Variants in PSME1 observed in about 807,000 individuals in gnomAD.
PSME1 encodes proteasome activator complex subunit 1.
A neutral mutation model predicts 38.4 loss-of-function variants in PSME1; 15 were observed. That is an observed-to-expected ratio of 0.39 (90% CI 0.26 to 0.60). The LOEUF (loss-of-function observed/expected upper bound fraction) is 0.60, where lower values mean the gene tolerates loss of function less well. Ranked by LOEUF, PSME1 falls within the 20% of genes least tolerant of loss-of-function variation. PSME1 has a pLI of 0.53. For synonymous variants in PSME1, 106 were observed against 106.8 expected (o/e 0.99, Z 0.05); for missense variants, 249 against 305.6 (o/e 0.81, Z 1.38).
At position 24,137,306 on chromosome 14, in the gene PSME1, C is replaced by T. The variant is rs1233183728; in HGVS notation, c.136-15C>T. 6.2e-7 allele frequency: 1 copy of T among 1,613,578 alleles called. No individual in the cohort carries two copies. The highest frequency in any genetic ancestry group is 8.5e-7 in the Non-Finnish European group (1 of 1,179,600). On this transcript the variant is annotated splice_polypyrimidine_tract_variant and intron_variant, in intron 3 of 10. Coordinates refer to ENST00000206451, the MANE Select transcript of PSME1 (RefSeq NM_006263.4). The stretch of plus-strand genomic sequence containing the variant: ...GAACTCCCTCACCTCCAGCCCTCCT[C>T]CCACCCTACACCAGGAGCCAGCTCT...
At chr14:24,138,431 G>T in intron 9 of PSME1, 32 bp downstream of exon 9, 1 of 1,614,196 alleles carries the variant, frequency 6.2e-7, no homozygotes, top group East Asian at 2.2e-5. Context: ...GTGCATGGGG[G>T]AAGGACACAT....
In PSME1 at chr14:24,136,403, C is replaced by A; in HGVS notation, c.39+102C>A. ...CCCAGGCTCCCACGCGAGTCGGGGGCAGTCGGCCGAGCTGGCGCGCCCGGA... is the reference window on the plus strand; with the variant it reads ...CCCAGGCTCCCACGCGAGTCGGGGGAAGTCGGCCGAGCTGGCGCGCCCGGA... On this transcript the variant is annotated intron_variant, in intron 1 of 10. Transcript: ENST00000206451. The surrounding 1 kb of genome is among the most constrained non-coding windows in gnomAD (Gnocchi z 4.8). 8.1e-7 allele frequency: 1 copy of A among 1,229,006 alleles called. No homozygotes were observed. The highest frequency in any genetic ancestry group is 1.1e-6 in the Non-Finnish European group (1 of 933,580). The allele number at this position is 1,229,006 out of a possible 1,614,324, so 76.1% of individuals were successfully genotyped here.
chr14:24,137,152 C>T lies in PSME1; in HGVS notation c.82C>T (p.Leu28=). Residue 28 remains leucine (L), a synonymous_variant, in exon 3 of 11, where the codon CTG becomes TTG. Transcript: ENST00000206451. Reference sequence around the variant, plus strand: ...CCCACCTCACACACAGACAGAGAACCTGCTCGGGAGCTATTTCCCCAAGAA... The same window carrying T: ...CCCACCTCACACACAGACAGAGAACTTGCTCGGGAGCTATTTCCCCAAGAA... ...REDLCTKTEN[L]LGSYFPKKIS... 1.2e-6 allele frequency: 2 copies of T among 1,614,204 alleles called. No individual in the cohort carries two copies. The highest frequency in any genetic ancestry group is 1.7e-6 in the Non-Finnish European group (2 of 1,180,032).
In PSME1 at chr14:24,138,463, G is replaced by A. The variant is rs552622791; in HGVS notation, c.583-11G>A. Reference sequence around the variant, plus strand: ...ACATGTAAGGTCAGGCCTGACCCGAGCTTCCCACAGGGTGATTATCGGCAG... The same window carrying A: ...ACATGTAAGGTCAGGCCTGACCCGAACTTCCCACAGGGTGATTATCGGCAG... On this transcript the variant is annotated splice_polypyrimidine_tract_variant and intron_variant, in intron 9 of 10. Transcript: ENST00000206451. 6 of 1,614,124 alleles carry A rather than the reference G, an allele frequency of 3.7e-6. No homozygotes were observed. In the African/African-American group the frequency reaches 6.7e-5, roughly 18 times the overall value.
chr14:24,138,414 G>A lies in PSME1; in HGVS notation c.582+15G>A. 1 of 1,614,192 alleles carries A rather than the reference G, an allele frequency of 6.2e-7. No individual in the cohort carries two copies. The highest frequency in any genetic ancestry group is 8.5e-7 in the Non-Finnish European group (1 of 1,180,016). ...AGCCCCATGTGGTAGGTGAGGCCCA[G>A]GTCAGGGTGCATGGGGGAAGGACAC... is the stretch of plus-strand genomic sequence containing the variant. On this transcript the variant is annotated intron_variant, in intron 9 of 10. Coordinates refer to ENST00000206451, the MANE Select transcript of PSME1 (RefSeq NM_006263.4).
Position 24,136,358 on chromosome 14 carries a change from G to A in PSME1, c.39+57G>A. On this transcript the variant is annotated intron_variant, in intron 1 of 10. Coordinates refer to ENST00000206451, the MANE Select transcript of PSME1 (RefSeq NM_006263.4). The surrounding 1 kb of genome is among the most constrained non-coding windows in gnomAD (Gnocchi z 4.8). ...TGGGGAGGCGTGGCTGGAGCGGCCG[G>A]GGGCATCCCCGACCCGCCCCCCAGG... 1 of 1,461,488 alleles carries A rather than the reference G, an allele frequency of 6.8e-7. No individual in the cohort carries two copies. Among genetic ancestry groups the A allele is most frequent in the Non-Finnish European group, 9.1e-7 (1 of 1,102,520 alleles). 90.5% of individuals were successfully genotyped at this position (1,461,488 alleles called of 1,614,324 possible).
chr14:24,136,369 GA>G lies in PSME1; in HGVS notation c.39+69del, dbSNP rs2139041933. ...GGCTGGAGCGGCCGGGGGCATCCCC[GA>G]CCCGCCCCCCAGGCTCCCACGCGAG... On this transcript the variant is annotated intron_variant, in intron 1 of 10. Transcript: ENST00000206451. This position sits in a 1 kb window ranked among gnomAD's most constrained non-coding sequence, Gnocchi z 4.8. 81 of 1,410,854 alleles carry G rather than the reference GA, an allele frequency of 5.7e-5. No homozygotes were observed. The South Asian group carries it at 1.1e-3, about 19-fold the overall frequency. The allele number at this position is 1,410,854 out of a possible 1,614,324, so 87.4% of individuals were successfully genotyped here. A position where few individuals can be genotyped will look rare whatever the true frequency, so the allele number is the denominator to read the frequency against.
rs539008597 is a variant in PSME1 at position 24,137,737 on chromosome 14, C to T, written c.330C>T (p.Ile110=). The T allele has an allele frequency of 5.3e-5, 86 of 1,614,202 alleles. No individual in the cohort carries two copies. Among genetic ancestry groups the T allele is most frequent in the South Asian group, 1.2e-4 (11 of 91,074 alleles). Residue 110 remains isoleucine (I), a synonymous_variant, in exon 6 of 11, where the codon ATC becomes ATT. Coordinates refer to ENST00000206451, the MANE Select transcript of PSME1 (RefSeq NM_006263.4). ...GCCCAGTGAACTGCAATGAAAAGAT[C>T]GTGGTCCTTCTGCAGCGCTTGAAGC... ...PCGPVNCNEK[I]VVLLQRLKPE... is the part of the protein sequence containing the mutation.
Position 24,138,822 on chromosome 14 carries a change from C to T in PSME1, c.*6C>T, listed in dbSNP as rs2037971078. Reference sequence around the variant, plus strand: ...CAAAGGGAATGATCTATTGAGAGCCCTCTCTCCCATTCTGTGATGAGTACA... The same window carrying T: ...CAAAGGGAATGATCTATTGAGAGCCTTCTCTCCCATTCTGTGATGAGTACA... On this transcript the variant is annotated 3_prime_UTR_variant, in exon 11 of 11. Transcript: ENST00000206451. 2 of 1,613,184 alleles carry T rather than the reference C, an allele frequency of 1.2e-6. No homozygotes were observed. The highest frequency in any genetic ancestry group is 1.7e-6 in the Non-Finnish European group (2 of 1,179,196).
Position 24,136,371 on chromosome 14 carries a change from C to G in PSME1, c.39+70C>G. Reference sequence around the variant, plus strand: ...CTGGAGCGGCCGGGGGCATCCCCGACCCGCCCCCCAGGCTCCCACGCGAGT... The same window carrying G: ...CTGGAGCGGCCGGGGGCATCCCCGAGCCGCCCCCCAGGCTCCCACGCGAGT... On this transcript the variant is annotated intron_variant, in intron 1 of 10. Transcript: ENST00000206451. The surrounding 1 kb of genome is among the most constrained non-coding windows in gnomAD (Gnocchi z 4.8). 1 of 1,406,776 alleles carries G rather than the reference C, an allele frequency of 7.1e-7. No individual in the cohort carries two copies. The highest frequency in any genetic ancestry group is 3.0e-5 in the East Asian group (1 of 32,924). 87.1% of individuals were successfully genotyped at this position (1,406,776 alleles called of 1,614,324 possible). A position where few individuals can be genotyped will look rare whatever the true frequency, so the allele number is the denominator to read the frequency against.
chr14:24,137,992 T>G, intron 6 of PSME1, 57 bp from the exon 7 acceptor site: 1 of 1,594,974 alleles, frequency 6.3e-7, no homozygotes, highest in Non-Finnish European at 8.6e-7. Flanking sequence ...AGGGAGAATA[T>G]GAAACTGGGA....
chr14:24,138,501 C>G lies in PSME1; in HGVS notation c.610C>G (p.Leu204Val). Residue 204 changes from leucine (L) to valine (V), a missense_variant, in exon 10 of 11, where the codon CTG (leucine) becomes GTG (valine). Leu to Val is a conservative substitution (Grantham distance 32). Coordinates refer to ENST00000206451, the MANE Select transcript of PSME1 (RefSeq NM_006263.4). ...TGATTATCGGCAGCTGGTGCACGAG[C>G]TGGATGAGGCAGAGTACCGGGACAT... ...VGDYRQLVHELDEAEYRDIRL... is the reference protein window; with the variant it reads ...VGDYRQLVHEVDEAEYRDIRL... The G allele has an allele frequency of 6.2e-7, 1 of 1,614,062 alleles. No homozygotes were observed.
rs2037973198 is a variant in PSME1 at position 24,138,903 on chromosome 14, T to C, written c.*87T>C. 6.3e-7 allele frequency: 1 copy of C among 1,591,708 alleles called. No homozygotes were observed. Among genetic ancestry groups the C allele is most frequent in the Non-Finnish European group, 8.6e-7 (1 of 1,166,754 alleles). ...TCCAGATTTTCCCCAAACTTGCTTCTGTTGAGATTTTTCCCTCACCTTGCC... is the reference window on the plus strand; with the variant it reads ...TCCAGATTTTCCCCAAACTTGCTTCCGTTGAGATTTTTCCCTCACCTTGCC... On this transcript the variant is annotated 3_prime_UTR_variant, in exon 11 of 11. Coordinates refer to ENST00000206451, the MANE Select transcript of PSME1 (RefSeq NM_006263.4).
chr14:24,137,712 G>A lies in PSME1; in HGVS notation c.305G>A (p.Gly102Asp), dbSNP rs536814772. Residue 102 changes from glycine (G) to aspartate (D), a missense_variant, in exon 6 of 11, where the codon GGC becomes GAC. Gly to Asp is a moderately conservative substitution (Grantham distance 94, BLOSUM62 -1). Transcript: ENST00000206451. ...GCTCACTCTCTAGGTCCTCCCTGTG[G>A]CCCAGTGAACTGCAATGAAAAGATC... The part of the protein sequence containing the change: ...GEDEDKGPPC[G>D]PVNCNEKIVV... The A allele has an allele frequency of 2.5e-6, 4 of 1,614,156 alleles. No individual in the cohort carries two copies. In the South Asian group the frequency reaches 4.4e-5, roughly 18 times the overall value.
At position 24,136,253 on chromosome 14, in the gene PSME1, C is replaced by A. The variant is rs775638988; in HGVS notation, c.-10C>A. On this transcript the variant is annotated 5_prime_UTR_variant, in exon 1 of 11. Coordinates refer to ENST00000206451, the MANE Select transcript of PSME1 (RefSeq NM_006263.4). The surrounding 1 kb of genome is among the most constrained non-coding windows in gnomAD (Gnocchi z 4.8). ...ACTCCTTGTGCGGCGCTAGGCCCCC[C>A]GTCCCGGTCATGGCCATGCTCAGGG... The A allele has an allele frequency of 1.6e-5, 25 of 1,524,842 alleles. No homozygotes were observed. Among genetic ancestry groups the A allele is most frequent in the Non-Finnish European group, 1.9e-5 (22 of 1,136,848 alleles). 94.5% of individuals were successfully genotyped at this position (1,524,842 alleles called of 1,614,324 possible).
rs148923410 is a variant in PSME1 at position 24,137,333 on chromosome 14, A to G, written c.148A>G (p.Asn50Asp). The part of the protein sequence containing the change: ...LDAFLKEPAL[N>D]EANLSNLKAP... ...CACCCTACACCAGGAGCCAGCTCTCAATGAAGCCAACTTGAGCAATCTGAA... is the reference window on the plus strand; with the variant it reads ...CACCCTACACCAGGAGCCAGCTCTCGATGAAGCCAACTTGAGCAATCTGAA... Residue 50 changes from asparagine (N) to aspartate (D), a missense_variant, in exon 4 of 11, where the codon AAT becomes GAT. Coordinates refer to ENST00000206451, the MANE Select transcript of PSME1 (RefSeq NM_006263.4). 145 of 1,613,904 alleles carry G rather than the reference A, an allele frequency of 9.0e-5. No homozygotes were observed. Among genetic ancestry groups the G allele is most frequent in the Non-Finnish European group, 1.1e-4 (133 of 1,179,998 alleles).
rs1008301546 is a variant in PSME1, at chr14:24,136,482, G to A, written c.39+181G>A. On this transcript the variant is annotated intron_variant, in intron 1 of 10. Transcript: ENST00000206451. This position sits in a 1 kb window ranked among gnomAD's most constrained non-coding sequence, Gnocchi z 4.8. ...TGCTGCCTGCGGGGAGAGGCGAGGC[G>A]GCCGTGGTTCTGCGGGGTGAGGTGA... is the stretch of plus-strand genomic sequence containing the variant. 5.0e-6 allele frequency: 3 copies of A among 594,194 alleles called. No homozygotes were observed. The highest frequency in any genetic ancestry group is 4.2e-5 in the Admixed American group (1 of 23,982). The allele number at this position is 594,194 out of a possible 1,614,324, so 36.8% of individuals were successfully genotyped here. A position where few individuals can be genotyped will look rare whatever the true frequency, so the allele number is the denominator to read the frequency against.
In PSME1 at chr14:24,138,457, A is replaced by AC. The variant is rs2037956832; in HGVS notation, c.583-14dup. ...AAGGACACATGTAAGGTCAGGCCTG[A>AC]CCCGAGCTTCCCACAGGGTGATTAT... On this transcript the variant is annotated splice_polypyrimidine_tract_variant and intron_variant, in intron 9 of 10. Transcript: ENST00000206451. 6.2e-7 allele frequency: 1 copy of AC among 1,613,906 alleles called. No homozygotes were observed. The highest frequency in any genetic ancestry group is 8.5e-7 in the Non-Finnish European group (1 of 1,180,026).
intron 2 of PSME1, 28 bp from the exon 3 acceptor site, chr14:24,137,115 T>C (rs768062079): frequency 6.2e-7 from 1 of 1,613,806 alleles, no homozygotes; most frequent in Non-Finnish European, 8.5e-7. Flanking sequence ...CTGACTCCCA[T>C]CCTCCTCCAC....
Sources: gnomAD v4.1 joint callset for allele counts on GRCh38, gnomAD v4.1.1 for gene constraint, Gnocchi (gnomAD v3.1) non-coding constraint, MANE v1.5 for transcripts, NCBI Gene and HGNC (gene_info 2026-07-23, HGNC 2026-07-21) for gene names.